The following CDH12 variants were observed in gnomAD, a reference collection of about 807,000 sequenced individuals.
CDH12 encodes the protein cadherin 12, also known as cadherin-12.
CDH12 carries 41 observed loss-of-function variants against 74.1 expected under a neutral mutation model. The ratio of observed to expected loss-of-function variants is 0.55; its 90% CI spans 0.43 to 0.72. The LOEUF is 0.72. Among genes scored for constraint, CDH12 ranks in the 30% least tolerant of loss-of-function variants. The pLI, the probability that CDH12 is intolerant of heterozygous loss-of-function variation, is 0.00. For synonymous variants in CDH12, 399 were observed against 355.0 expected (o/e 1.12, Z -1.39); for missense variants, 945 against 977.2 (o/e 0.97, Z 0.44).
At chr5:22,556,238 G>C (rs191732741) in intron 1 of CDH12, among the ~76,000 whole-genome samples, 56 of 152,130 alleles carry the variant, frequency 3.7e-4, no homozygotes, top group African/African-American at 1.3e-3. Flanking sequence ...CAATTCTTTG[G>C]AAGGGTTGGA....
chr5:22,385,092 TG>T (rs1741944743), intron 3 of CDH12, among the ~76,000 whole-genome samples: 1 of 152,194 alleles, frequency 6.6e-6, no homozygotes, highest in Non-Finnish European at 1.5e-5. Flanking sequence ...AAAAATTAAA[TG>T]TATTGGGTTA....
At chr5:22,457,772 T>C (rs1360755432) in intron 2 of CDH12, among the ~76,000 whole-genome samples, 1 of 151,462 alleles carries the variant, frequency 6.6e-6, no homozygotes, top group Non-Finnish European at 1.5e-5. Context: ...TGAGACAGAG[T>C]CTTGCTCTGT....
At chr5:22,244,674 GAGAAGGAA>G (rs1027080248) in intron 3 of CDH12, among the ~76,000 whole-genome samples, 1 of 145,268 alleles carries the variant, frequency 6.9e-6, no homozygotes, top group Non-Finnish European at 1.5e-5. Flanking sequence ...AAGAAAGAAA[GAGAAGGAA>G]AGAAGGAAAG....
At chr5:21,779,761 A>G (rs151180592) in intron 11 of CDH12, among the ~76,000 whole-genome samples, 27 of 152,248 alleles carry the variant, frequency 1.8e-4, no homozygotes, top group African/African-American at 6.5e-4. Context: ...TTCATTTCTC[A>G]TTTATTCACG....
intron 3 of CDH12, among the ~76,000 whole-genome samples, chr5:22,284,693 T>C (rs1737057715): frequency 6.6e-6 from 1 of 152,074 alleles, no homozygotes; most frequent in Non-Finnish European, 1.5e-5. Context: ...GTCTACACCA[T>C]CCCATACTCA....
chr5:22,285,508 A>G (rs964269295), intron 3 of CDH12, among the ~76,000 whole-genome samples: 3 of 152,162 alleles, frequency 2.0e-5, no homozygotes, highest in African/African-American at 7.2e-5. Flanking sequence ...TAAAAGTGTG[A>G]AAAATCAATA....
At chr5:22,740,341 A>G (rs184074860) in intron 1 of CDH12, among the ~76,000 whole-genome samples, 94 of 152,062 alleles carry the variant, frequency 6.2e-4, no homozygotes, top group Admixed American at 4.8e-3. Context: ...CTTTTCCTAC[A>G]TGATCGAGAA....
chr5:22,739,942 G>A (rs1477321239), intron 1 of CDH12, among the ~76,000 whole-genome samples: 2 of 152,034 alleles, frequency 1.3e-5, no homozygotes, highest in African/African-American at 4.8e-5. Flanking sequence ...CTTGCTTGAT[G>A]TAAGGCAGAA....
intron 10 of CDH12, 54 bp downstream of exon 10, chr5:21,802,113 C>A: frequency 1.3e-6 from 2 of 1,530,748 alleles, no homozygotes; most frequent in South Asian, 2.4e-5. Flanking sequence ...GGTTTTTGTT[C>A]TTGTTTTGTT....
chr5:21,969,125 C>T (rs961884758), intron 6 of CDH12, among the ~76,000 whole-genome samples: 4 of 151,422 alleles, frequency 2.6e-5, no homozygotes, highest in African/African-American at 7.3e-5. Context: ...CACAGGTACT[C>T]CAAAACTAAA....
At chr5:22,099,537 C>T (rs1430024070) in intron 4 of CDH12, among the ~76,000 whole-genome samples, 3 of 152,170 alleles carry the variant, frequency 2.0e-5, no homozygotes, top group Non-Finnish European at 4.4e-5. Context: ...TCATTCCAGA[C>T]ACCAGACCAA....
intron 4 of CDH12, among the ~76,000 whole-genome samples, chr5:22,125,569 C>T (rs530493140): frequency 3.9e-5 from 6 of 152,250 alleles, no homozygotes; most frequent in Non-Finnish European, 7.4e-5. Flanking sequence ...GCGGCTTAGC[C>T]GTCTCTGCTG....
At chr5:22,851,523 G>A (rs369702524) in intron 1 of CDH12, among the ~76,000 whole-genome samples, 59 of 152,180 alleles carry the variant, frequency 3.9e-4, no homozygotes, top group African/African-American at 1.3e-3. Context: ...TCTAGAATTC[G>A]ATTTTCAACT....
At chr5:21,925,914 A>T (rs950785321) in intron 6 of CDH12, among the ~76,000 whole-genome samples, 2 of 149,056 alleles carry the variant, frequency 1.3e-5, no homozygotes, top group Admixed American at 1.4e-4. Flanking sequence ...TTGGATATGA[A>T]TTATGACTCC....
At chr5:22,181,837 C>T (rs1270905346) in intron 4 of CDH12, among the ~76,000 whole-genome samples, 1 of 152,052 alleles carries the variant, frequency 6.6e-6, no homozygotes, top group Non-Finnish European at 1.5e-5. Context: ...CTGCCCCATG[C>T]CATCCATATA....
chr5:22,224,880 T>TA (rs558308831), intron 3 of CDH12, among the ~76,000 whole-genome samples: 2 of 151,716 alleles, frequency 1.3e-5, no homozygotes, highest in East Asian at 3.9e-4. Context: ...TATTATATAT[T>TA]AAAAAAAGTA....
chr5:22,444,904 T>C (rs1376571211), intron 2 of CDH12, among the ~76,000 whole-genome samples: 1 of 152,066 alleles, frequency 6.6e-6, no homozygotes, highest in Non-Finnish European at 1.5e-5. Context: ...TTTTAGTGCT[T>C]ATATAATATA....
chr5:22,155,089 A>T (rs572961345), intron 4 of CDH12, among the ~76,000 whole-genome samples: 65 of 152,254 alleles, frequency 4.3e-4, no homozygotes, highest in Non-Finnish European at 6.8e-4. Flanking sequence ...TGTAATAAAG[A>T]ACTGCCCTCA....
chr5:22,832,439 A>G (rs937342162), intron 1 of CDH12, among the ~76,000 whole-genome samples: 2 of 152,184 alleles, frequency 1.3e-5, no homozygotes, highest in Non-Finnish European at 2.9e-5. Flanking sequence ...GTGCCCATTC[A>G]GGAATACTTT....
Sources: gnomAD v4.1 joint callset for allele counts (sites outside exome capture counted in the v4.1 genomes callset) on GRCh38, gnomAD v4.1.1 for gene constraint, MANE v1.5 for transcripts, NCBI Gene and HGNC (gene_info 2026-07-23, HGNC 2026-07-21) for gene names.